PTPRM: variants seen among roughly 807,000 people sequenced by gnomAD.
PTPRM encodes protein tyrosine phosphatase receptor type M.
A neutral mutation model predicts 186.7 loss-of-function variants in PTPRM; 47 were observed. The observed-to-expected ratio is 0.25, with a 90% CI of 0.20 to 0.32. PTPRM has a LOEUF of 0.32. Among genes scored for constraint, PTPRM ranks in the 10% least tolerant of loss-of-function variants. The pLI is 1.00. For missense variants in PTPRM, 1,494 were observed against 1,865.0 expected (o/e 0.80, Z 3.66); for synonymous variants, 668 against 674.9 (o/e 0.99, Z 0.16).
Position 7,888,396 on chromosome 18 carries a change from T to C in PTPRM, c.468+19T>C. 4 of 1,549,616 alleles carry C rather than the reference T, an allele frequency of 2.6e-6. No individual in the cohort carries two copies. The highest frequency in any genetic ancestry group is 3.5e-6 in the Non-Finnish European group (4 of 1,151,944). ...TTATCAGGTATGTGCTTTCTTTTTA[T>C]TACATATTTTGAAGCATCCTCTAAT... is the stretch of plus-strand genomic sequence containing the variant. On this transcript the variant is annotated intron_variant, in intron 3 of 32. Coordinates refer to ENST00000580170, the MANE Select transcript of PTPRM (RefSeq NM_001105244.2).
chr18:8,230,449 C>T (rs976918569), intron 14 of PTPRM, among the ~76,000 whole-genome samples: 4 of 152,166 alleles, frequency 2.6e-5, no homozygotes, highest in African/African-American at 9.7e-5. Context: ...GCTAGTGATG[C>T]CAATAGATTC....
intron 23 of PTPRM, among the ~76,000 whole-genome samples, chr18:8,346,669 C>A (rs1425488658): frequency 6.6e-6 from 1 of 152,130 alleles, no homozygotes; most frequent in Non-Finnish European, 1.5e-5. Flanking sequence ...GAAGTTCCTG[C>A]CCATTCCGAG....
intron 19 of PTPRM, among the ~76,000 whole-genome samples, chr18:8,271,782 T>C (rs1218712439): frequency 6.6e-6 from 1 of 152,186 alleles, no homozygotes; most frequent in Admixed American, 6.5e-5. Flanking sequence ...TTTCTTAATA[T>C]ATTCTTATCT....
intron 19 of PTPRM, among the ~76,000 whole-genome samples, chr18:8,286,489 T>G (rs1355896342): frequency 6.6e-6 from 1 of 152,242 alleles, no homozygotes; most frequent in Non-Finnish European, 1.5e-5. Flanking sequence ...TTATTTAGAA[T>G]CTCATATTTA....
chr18:7,763,411 A>T (rs562031241), intron 1 of PTPRM, among the ~76,000 whole-genome samples: 1 of 152,208 alleles, frequency 6.6e-6, no homozygotes, highest in Non-Finnish European at 1.5e-5. Flanking sequence ...TCTCTGTCAT[A>T]TGCCCCTTCC....
chr18:8,248,121 T>C (rs763714117), intron 16 of PTPRM, 29 bp from the exon 17 acceptor site: 46 of 1,523,854 alleles, frequency 3.0e-5, no homozygotes, highest in Non-Finnish European at 4.2e-5. Context: ...TTACTTTCTC[T>C]GCATTGACCT....
intron 2 of PTPRM, among the ~76,000 whole-genome samples, chr18:7,862,050 A>T (rs1238593969): frequency 6.6e-6 from 1 of 152,148 alleles, no homozygotes; most frequent in Non-Finnish European, 1.5e-5. Flanking sequence ...TGAATTCTTG[A>T]TTGTTTTCAT....
At chr18:7,766,871 T>C (rs2042039029) in intron 1 of PTPRM, among the ~76,000 whole-genome samples, 1 of 152,268 alleles carries the variant, frequency 6.6e-6, no homozygotes, top group Admixed American at 6.5e-5. Context: ...GGAATATTGA[T>C]GCTTGCCTTT....
At chr18:8,147,218 A>AATT (rs2092906885) in intron 14 of PTPRM, among the ~76,000 whole-genome samples, 1 of 152,214 alleles carries the variant, frequency 6.6e-6, no homozygotes, top group Non-Finnish European at 1.5e-5. Flanking sequence ...GATAGCATTG[A>AATT]ATTTATAAAT....
At position 7,706,601 on chromosome 18, in the gene PTPRM, C is replaced by CAAAAAAAAAA. The variant is rs766639399; in HGVS notation, c.74-67528_74-67519dup. Reference sequence around the variant, plus strand: ...TGGATGACAGAACAAGACCTTGTCTCAAAAAAAAAAAAAAAAAAAAAAAAA... The same window carrying CAAAAAAAAAA: ...TGGATGACAGAACAAGACCTTGTCTCAAAAAAAAAAAAAAAAAAAAAAAAAAAAAAAAAAA... On this transcript the variant is annotated intron_variant, in intron 1 of 32. Transcript: ENST00000580170. Among the ~76,000 whole-genome samples the CAAAAAAAAAA allele has an allele frequency of 4.6e-3, 74 of 16,144 alleles. 2 individuals carry two copies. The highest frequency in any genetic ancestry group is 7.2e-3 in the Non-Finnish European group (57 of 7,874). 10.6% of individuals were successfully genotyped at this position (16,144 alleles called of 152,430 possible).
chr18:8,309,481 G>A (rs934429873), intron 20 of PTPRM, among the ~76,000 whole-genome samples: 6 of 151,998 alleles, frequency 3.9e-5, no homozygotes, highest in African/African-American at 7.2e-5. Context: ...CACACAGGAG[G>A]TGAAGATGAA....
At chr18:8,180,475 G>A (rs966948446) in intron 14 of PTPRM, among the ~76,000 whole-genome samples, 1 of 152,142 alleles carries the variant, frequency 6.6e-6, no homozygotes. Context: ...AGGGTCAAGC[G>A]GGCAACTTGA....
intron 19 of PTPRM, among the ~76,000 whole-genome samples, chr18:8,275,478 A>G (rs919597847): frequency 3.3e-5 from 5 of 152,196 alleles, no homozygotes; most frequent in African/African-American, 1.2e-4. Flanking sequence ...GTTCCAGGAA[A>G]CTCTGTTGCG....
chr18:8,053,590 C>A (rs1008758587), intron 7 of PTPRM, among the ~76,000 whole-genome samples: 92 of 152,156 alleles, frequency 6.0e-4, no homozygotes, highest in African/African-American at 2.1e-3. Flanking sequence ...TCTGATAGAA[C>A]AAATTTTCCT....
intron 2 of PTPRM, among the ~76,000 whole-genome samples, chr18:7,799,946 T>G (rs2043868177): frequency 6.6e-6 from 1 of 152,192 alleles, no homozygotes; most frequent in South Asian, 2.1e-4. Context: ...TATGCTGTCC[T>G]TACCTTTAAC....
chr18:8,393,165 T>A (rs2095825689), intron 31 of PTPRM, among the ~76,000 whole-genome samples: 1 of 152,212 alleles, frequency 6.6e-6, no homozygotes, highest in Non-Finnish European at 1.5e-5. Context: ...GCAGACACCA[T>A]CTTAACAAGT....
At chr18:8,388,202 G>A (rs950022634) in intron 31 of PTPRM, among the ~76,000 whole-genome samples, 2 of 152,274 alleles carry the variant, frequency 1.3e-5, no homozygotes, top group South Asian at 2.1e-4. Context: ...AGAAAGTCAC[G>A]GCAGATAAGG....
chr18:7,863,347 C>T (rs190637509), intron 2 of PTPRM, among the ~76,000 whole-genome samples: 63 of 152,232 alleles, frequency 4.1e-4, no homozygotes, highest in Admixed American at 3.5e-3. Context: ...CTATCCCTCC[C>T]CCAGCCCCTC....
At chr18:7,629,175 G>A (rs2038131542) in intron 1 of PTPRM, among the ~76,000 whole-genome samples, 1 of 152,206 alleles carries the variant, frequency 6.6e-6, no homozygotes, top group Non-Finnish European at 1.5e-5. Flanking sequence ...AGATATTATT[G>A]AACTAAGATC....
Sources: allele counts gnomAD v4.1 joint callset (sites outside exome capture counted in the v4.1 genomes callset), GRCh38; gene constraint gnomAD v4.1.1; transcripts MANE v1.5; gene names NCBI Gene and HGNC (gene_info 2026-07-23, HGNC 2026-07-21).